CYP4X1: variants seen among roughly 807,000 people sequenced by gnomAD.
CYP4X1 encodes the protein cytochrome P450 family 4 subfamily X member 1, also known as cytochrome P450 4X1.
In CYP4X1, 44 loss-of-function variants were observed where a neutral mutation model predicts 57.9. The ratio of observed to expected loss-of-function variants is 0.76; its 90% confidence interval spans 0.60 to 0.98. The LOEUF is 0.98. CYP4X1 is among the 50% of genes least tolerant of loss of function. The pLI is 0.00. For synonymous variants in CYP4X1, 227 were observed against 228.6 expected (o/e 0.99, Z 0.06); for missense variants, 532 against 623.9 (o/e 0.85, Z 1.57).
chr1:47,024,112 A>C, intron 1 of CYP4X1, 118 bp downstream of exon 1: 5 of 1,296,182 alleles, frequency 3.9e-6, no homozygotes, highest in Non-Finnish European at 5.2e-6. Flanking sequence ...TCCGGCTTGC[A>C]CTGGCCTTTC....
chr1:47,049,143 T>C (rs2148517296), intron 10 of CYP4X1, among the ~76,000 whole-genome samples: 1 of 152,296 alleles, frequency 6.6e-6, no homozygotes, highest in African/African-American at 2.4e-5. Flanking sequence ...GTGCTGTAAG[T>C]TTAAAATACG....
chr1:47,008,160 G>A, the CYP4X1 span, among the ~76,000 whole-genome samples: 6 of 152,124 alleles, frequency 3.9e-5, no homozygotes, highest in African/African-American at 1.4e-4. Context: ...AAAAGGTTAA[G>A]GGCAGCCAGA....
At chr1:46,998,944 AC>A in the CYP4X1 span, among the ~76,000 whole-genome samples, 6 of 151,844 alleles carry the variant, frequency 4.0e-5, no homozygotes, top group African/African-American at 1.5e-4. Flanking sequence ...CTATTTTTGT[AC>A]AAGTACCATG....
chr1:47,022,514 C>A (rs1432196190), upstream of CYP4X1, among the ~76,000 whole-genome samples: 2 of 151,944 alleles, frequency 1.3e-5, no homozygotes, highest in Non-Finnish European at 2.9e-5. Flanking sequence ...TGGTCTTGAT[C>A]CCTTGACCTC....
chr1:47,030,173 A>G, intron 2 of CYP4X1, 42 bp downstream of exon 2: 1 of 1,576,370 alleles, frequency 6.3e-7, no homozygotes, highest in Admixed American at 1.8e-5. Flanking sequence ...TCCTCCTAGA[A>G]GTGAAATGCA....
At chr1:46,976,072 C>A in the CYP4X1 span, among the ~76,000 whole-genome samples, 2 of 152,006 alleles carry the variant, frequency 1.3e-5, no homozygotes, top group East Asian at 3.9e-4. Context: ...GCTGAGGTAC[C>A]TGGTTCATCT....
chr1:47,051,634 A>G (rs2148518508), downstream of CYP4X1, among the ~76,000 whole-genome samples: 1 of 152,242 alleles, frequency 6.6e-6, no homozygotes, highest in South Asian at 2.1e-4. Flanking sequence ...TCATCTACCT[A>G]AAATCTATAT....
chr1:46,965,556 G>A, the CYP4X1 span, among the ~76,000 whole-genome samples: 1 of 152,222 alleles, frequency 6.6e-6, no homozygotes, highest in Non-Finnish European at 1.5e-5. Flanking sequence ...TGTGAAGGCT[G>A]TGAAACAGCA....
At chr1:47,021,205 CAT>C (rs1246913981), upstream of CYP4X1, among the ~76,000 whole-genome samples, 1 of 136,542 alleles carries the variant, frequency 7.3e-6, no homozygotes, top group African/African-American at 2.7e-5. Context: ...CCTCCAGAAT[CAT>C]ATTTTTGAGT....
chr1:46,993,583 T>A, the CYP4X1 span, among the ~76,000 whole-genome samples: 2 of 152,134 alleles, frequency 1.3e-5, no homozygotes, highest in African/African-American at 2.4e-5. Flanking sequence ...TCCACATCCT[T>A]TCCAGCACCT....
the CYP4X1 span, among the ~76,000 whole-genome samples, chr1:47,004,929 A>G: frequency 6.6e-6 from 1 of 152,158 alleles, no homozygotes; most frequent in African/African-American, 2.4e-5. Flanking sequence ...CAGTTCCTAT[A>G]TCACTAGTGG....
chr1:47,048,613 T>C lies in CYP4X1; in HGVS notation c.1256T>C (p.Val419Ala). 6.2e-7 allele frequency: 1 copy of C among 1,612,006 alleles called. No homozygotes were observed. Among genetic ancestry groups the C allele is most frequent in the South Asian group, 1.1e-5 (1 of 90,538 alleles). The change falls in exon 10 of 12, where the codon GTC becomes GCC. Residue 419 changes from valine to alanine, a missense_variant. Coordinates refer to ENST00000371901, the MANE Select transcript of CYP4X1 (RefSeq NM_178033.2). The stretch of plus-strand genomic sequence containing the variant: ...TGGGGTCTTCACCACAACCCTGCTG[T>C]CTGGAAAAACCCAAAGGTATGATTC... ...SIWGLHHNPA[V>A]WKNPKVFDPL... is the part of the protein sequence containing the mutation.
downstream of CYP4X1, among the ~76,000 whole-genome samples, chr1:47,053,278 T>C (rs1342308013): frequency 2.0e-5 from 3 of 152,208 alleles, no homozygotes; most frequent in African/African-American, 7.2e-5. Flanking sequence ...TAGTATTCCA[T>C]GGTGTATATG....
intron 2 of CYP4X1, among the ~76,000 whole-genome samples, 172 bp downstream of exon 2, chr1:47,030,303 C>T (rs924417751): frequency 6.6e-6 from 1 of 152,132 alleles, no homozygotes; most frequent in African/African-American, 2.4e-5. Context: ...CCATATCCTC[C>T]CCAGTCCCTT....
chr1:47,029,642 G>A (rs1644105325), intron 1 of CYP4X1, among the ~76,000 whole-genome samples: 1 of 152,154 alleles, frequency 6.6e-6, no homozygotes, highest in Non-Finnish European at 1.5e-5. Flanking sequence ...CTTCTTTTTA[G>A]CTTCCAGATC....
At chr1:46,976,725 G>A in the CYP4X1 span, among the ~76,000 whole-genome samples, 1 of 152,112 alleles carries the variant, frequency 6.6e-6, no homozygotes, top group African/African-American at 2.4e-5. Context: ...ATACAGCTGG[G>A]TGCCCCTCTG....
At chr1:47,007,999 T>G in the CYP4X1 span, among the ~76,000 whole-genome samples, 1 of 152,150 alleles carries the variant, frequency 6.6e-6, no homozygotes, top group African/African-American at 2.4e-5. Context: ...AAAACACTCT[T>G]CAGGATATTA....
chr1:46,992,571 A>G, the CYP4X1 span, among the ~76,000 whole-genome samples: 1 of 152,200 alleles, frequency 6.6e-6, no homozygotes, highest in East Asian at 1.9e-4. Context: ...CTGCTGTTGT[A>G]TGAATCAGAA....
chr1:46,982,590 T>C, the CYP4X1 span, among the ~76,000 whole-genome samples: 2 of 152,332 alleles, frequency 1.3e-5, no homozygotes, highest in African/African-American at 2.4e-5. Context: ...TTTTTATTTG[T>C]GGCAGGATTC....
Sources: gnomAD v4.1 joint callset for allele counts (sites outside exome capture counted in the v4.1 genomes callset) on GRCh38, gnomAD v4.1.1 for gene constraint, MANE v1.5 for transcripts, NCBI Gene and HGNC (gene_info 2026-07-23, HGNC 2026-07-21) for gene names.